MS4A6E: variants seen among roughly 807,000 people sequenced by gnomAD.
The protein encoded by MS4A6E is membrane spanning 4-domains A6E.
Under a neutral mutation model 13.2 loss-of-function variants are expected in MS4A6E, and 8 were observed. That is an observed-to-expected ratio of 0.60 (90% CI 0.35 to 1.09). The LOEUF (loss-of-function observed/expected upper bound fraction) is 1.09, where lower values mean the gene tolerates loss of function less well. Ranked by LOEUF, MS4A6E falls within the 50% of genes least tolerant of loss-of-function variation. The pLI, the probability that MS4A6E is intolerant of heterozygous loss-of-function variation, is 0.02. For synonymous variants in MS4A6E, 72 were observed against 67.6 expected, an observed-to-expected ratio of 1.06 and a Z score of -0.32; for missense variants, 177 against 171.1, an observed-to-expected ratio of 1.03 and a Z score of -0.19.
downstream of MS4A6E, among the ~76,000 whole-genome samples, chr11:60,345,427 A>C (rs1450360935): frequency 6.6e-6 from 1 of 152,216 alleles, no homozygotes; most frequent in African/African-American, 2.4e-5. Flanking sequence ...AGAGAGAGAC[A>C]CACTTTGAAA....
At chr11:60,328,995 T>A (rs1183444240) in intron 1 of MS4A6E, among the ~76,000 whole-genome samples, 4 of 152,236 alleles carry the variant, frequency 2.6e-5, no homozygotes. Context: ...TGTTAATTTT[T>A]AAATTTTTAT....
rs1228665045 is a variant in MS4A6E at position 60,340,774 on chromosome 11, A to C, written c.*10-2A>C. 4.9e-6 allele frequency: 1 copy of C among 204,866 alleles called. No individual in the cohort carries two copies. Among genetic ancestry groups the C allele is most frequent in the African/African-American group, 2.3e-5 (1 of 43,218 alleles). 12.7% of individuals were successfully genotyped at this position (204,866 alleles called of 1,614,324 possible). A position where few individuals can be genotyped will look rare whatever the true frequency, so the allele number is the denominator to read the frequency against. ...CTAAAGTGTGCTTTTCCTGCCTCAC[A>C]GTTACTCATGTCCTCAAAGACGACT... On this transcript the variant is annotated splice_acceptor_variant, in intron 4 of 4. Coordinates refer to ENST00000684409, the MANE Select transcript of MS4A6E (RefSeq NM_139249.4). LOFTEE classifies it low-confidence loss of function (3UTR_SPLICE).
intron 3 of MS4A6E, 66 bp from the exon 4 acceptor site, chr11:60,339,800 T>C: frequency 7.0e-7 from 1 of 1,418,602 alleles, no homozygotes; most frequent in Non-Finnish European, 9.9e-7. Context: ...TATGGTCACC[T>C]CTAAACTAGG....
chr11:60,337,186 T>A (rs1426247864), intron 2 of MS4A6E, among the ~76,000 whole-genome samples: 2 of 152,196 alleles, frequency 1.3e-5, no homozygotes, highest in African/African-American at 2.4e-5. Flanking sequence ...TCACTCATCT[T>A]TGAGAGGTGT....
intron 3 of MS4A6E, among the ~76,000 whole-genome samples, chr11:60,339,220 T>C (rs983692766): frequency 6.6e-5 from 10 of 152,180 alleles, no homozygotes; most frequent in Non-Finnish European, 1.5e-4. Context: ...GTGTTGGTGA[T>C]TAGCAACAGT....
chr11:60,335,115 G>A (rs990728351), intron 2 of MS4A6E, 73 bp downstream of exon 2: 14 of 1,575,144 alleles, frequency 8.9e-6, no homozygotes, highest in Non-Finnish European at 1.2e-5. Context: ...TTTGGGACTG[G>A]TCATCCTTGT....
chr11:60,347,673 T>TTC (rs2085262414), intron 4 of MS4A6E, among the ~76,000 whole-genome samples: 1 of 152,100 alleles, frequency 6.6e-6, no homozygotes, highest in South Asian at 2.1e-4. Flanking sequence ...CCCTACTGTT[T>TTC]TCTCTCCTTG....
chr11:60,346,655 A>T (rs1197491854), intron 4 of MS4A6E, among the ~76,000 whole-genome samples: 4 of 152,238 alleles, frequency 2.6e-5, no homozygotes, highest in Non-Finnish European at 5.9e-5. Flanking sequence ...TAATATACAC[A>T]TTAAAAGTGT....
intron 4 of MS4A6E, among the ~76,000 whole-genome samples, chr11:60,340,373 T>C (rs965367296): frequency 5.9e-5 from 9 of 152,234 alleles, no homozygotes; most frequent in African/African-American, 1.9e-4. Flanking sequence ...ATTGACTTGG[T>C]AAAGGGCCTT....
At chr11:60,335,512 G>A (rs1400578855) in intron 2 of MS4A6E, 1 of 452,260 alleles carries the variant, frequency 2.2e-6, no homozygotes, top group East Asian at 7.0e-5. Context: ...TTATTTGTCT[G>A]TTTCTCCTCT....
intron 1 of MS4A6E, among the ~76,000 whole-genome samples, chr11:60,330,029 G>C (rs989396078): frequency 6.0e-5 from 9 of 150,288 alleles, no homozygotes; most frequent in African/African-American, 2.2e-4. Flanking sequence ...GTTTCACCGT[G>C]TTAGCCAGGC....
chr11:60,333,872 T>C (rs991054796), intron 1 of MS4A6E, among the ~76,000 whole-genome samples: 40 of 152,322 alleles, frequency 2.6e-4, no homozygotes, highest in African/African-American at 9.6e-4. Flanking sequence ...TATCTGTTTC[T>C]GAGCTCTGCC....
chr11:60,329,127 A>G (rs544959881), intron 1 of MS4A6E, among the ~76,000 whole-genome samples: 3 of 152,188 alleles, frequency 2.0e-5, no homozygotes, highest in South Asian at 4.2e-4. Context: ...ATTTCTCCTA[A>G]TGCTATCCCT....
chr11:60,334,784 A>G lies in MS4A6E; in HGVS notation c.-14-98A>G, dbSNP rs2085177636. ...AGTTTCTTTCTCTAACACACAGGCC[A>G]AGTCTGGACTAATTGGCAGAAACTG... On this transcript the variant is annotated intron_variant, in intron 1 of 4. Coordinates refer to ENST00000684409, the MANE Select transcript of MS4A6E (RefSeq NM_139249.4). 11 of 1,312,908 alleles carry G rather than the reference A, an allele frequency of 8.4e-6. No homozygotes were observed. In the South Asian group the frequency reaches 1.5e-4, roughly 18 times the overall value. The allele number at this position is 1,312,908 out of a possible 1,614,324, so 81.3% of individuals were successfully genotyped here.
chr11:60,342,832 C>T (rs1027653929), downstream of MS4A6E, among the ~76,000 whole-genome samples: 2 of 152,176 alleles, frequency 1.3e-5, no homozygotes, highest in African/African-American at 4.8e-5. Context: ...TTTTGCTAGA[C>T]AAGAAATGAT....
At chr11:60,334,048 A>G (rs2085173321) in intron 1 of MS4A6E, among the ~76,000 whole-genome samples, 1 of 152,230 alleles carries the variant, frequency 6.6e-6, no homozygotes, top group African/African-American at 2.4e-5. Context: ...TTAGGGAAGC[A>G]ACAGGAGTGG....
chr11:60,337,652 A>G (rs772544657), intron 2 of MS4A6E, 89 bp from the exon 3 acceptor site: 1 of 1,493,840 alleles, frequency 6.7e-7, no homozygotes, highest in Non-Finnish European at 9.3e-7. Flanking sequence ...GAGACAGATA[A>G]GGGAATAACT....
intron 1 of MS4A6E, among the ~76,000 whole-genome samples, chr11:60,329,524 G>A (rs1186516070): frequency 6.6e-6 from 1 of 152,074 alleles, no homozygotes; most frequent in Non-Finnish European, 1.5e-5. Context: ...GGGATTGCTG[G>A]GTCAAATGGT....
intron 4 of MS4A6E, among the ~76,000 whole-genome samples, chr11:60,346,938 G>A (rs2085258763): frequency 6.6e-6 from 1 of 152,194 alleles, no homozygotes; most frequent in Non-Finnish European, 1.5e-5. Context: ...TTAAAGTTCG[G>A]AAAGCTTCTA....
Sources: gnomAD v4.1 joint callset for allele counts (sites outside exome capture counted in the v4.1 genomes callset) on GRCh38, gnomAD v4.1.1 for gene constraint, MANE v1.5 for transcripts, NCBI Gene and HGNC (gene_info 2026-07-23, HGNC 2026-07-21) for gene names.